MGST1: variants seen among roughly 807,000 people sequenced by gnomAD.
The protein encoded by MGST1 is glutathione S-transferase 12.
MGST1 carries 5 observed loss-of-function variants against 8.9 expected under a neutral mutation model. The observed-to-expected ratio is 0.56, with a 90% CI of 0.29 to 1.19. The LOEUF (loss-of-function observed/expected upper bound fraction) is 1.19. Ranked by LOEUF, MGST1 falls within the 50% of genes most tolerant of loss-of-function variation. The pLI is 0.08. For synonymous variants in MGST1, 54 were observed against 67.8 expected, an observed-to-expected ratio of 0.80 and a Z score of 1.00; for missense variants, 182 against 187.4, an observed-to-expected ratio of 0.97 and a Z score of 0.17.
upstream of MGST1, chr12:16,347,615 G>A (rs1939256679): frequency 6.6e-6 from 1 of 152,312 alleles, no homozygotes; most frequent in Non-Finnish European, 1.5e-5. This position sits in a 1 kb window ranked among gnomAD's most constrained non-coding sequence, Gnocchi z 4.0. Context: ...CTGGAGAGGG[G>A]CGGTGCCTGC....
chr12:16,455,056 A>G (rs1469940306), intron 4 of MGST1, among the ~76,000 whole-genome samples: 1 of 151,848 alleles, frequency 6.6e-6, no homozygotes, highest in East Asian at 1.9e-4. Context: ...TCTGCATTAA[A>G]TAATTAACAA....
At chr12:16,351,923 A>G (rs1004761161) in intron 1 of MGST1, among the ~76,000 whole-genome samples, 3 of 152,160 alleles carry the variant, frequency 2.0e-5, no homozygotes, top group African/African-American at 7.2e-5. Context: ...AAGAAAGAAG[A>G]TGACAGATAT....
intron 4 of MGST1, among the ~76,000 whole-genome samples, chr12:16,491,015 C>T (rs927175989): frequency 3.3e-5 from 5 of 152,130 alleles, no homozygotes; most frequent in African/African-American, 9.7e-5. Flanking sequence ...TTACTCTTTA[C>T]TCATTGGGCA....
At chr12:16,390,818 A>C (rs1591715247) in intron 1 of MGST1, among the ~76,000 whole-genome samples, 1 of 152,182 alleles carries the variant, frequency 6.6e-6, no homozygotes, top group African/African-American at 2.4e-5. Flanking sequence ...TTCTGGGTAT[A>C]GACCCAGTAA....
Position 16,363,473 on chromosome 12 carries a change from T to G in MGST1, c.222-322T>G, listed in dbSNP as rs1220606804. On this transcript the variant is annotated intron_variant, in intron 3 of 3. Transcript: ENST00000396210. This position sits in a 1 kb window ranked among gnomAD's most constrained non-coding sequence, Gnocchi z 4.6. The stretch of plus-strand genomic sequence containing the variant: ...CTTGAATTGCTAATTGTTATGAACC[T>G]CATAAGAAAAAAGTATTTTTATTTA... The G allele has an allele frequency of 6.3e-6, 1 of 159,392 alleles. No individual in the cohort carries two copies. The highest frequency in any genetic ancestry group is 1.4e-5 in the Non-Finnish European group (1 of 73,150). The allele number at this position is 159,392 out of a possible 1,614,324, so 9.9% of individuals were successfully genotyped here.
chr12:16,555,938 A>G lies in MGST1; in HGVS notation n.483-33590A>G, dbSNP rs1453783974. Among the ~76,000 whole-genome samples, 1 of 152,062 alleles carries G rather than the reference A, an allele frequency of 6.6e-6. No homozygotes were observed. The highest frequency in any genetic ancestry group is 2.4e-5 in the African/African-American group (1 of 41,392). On this transcript the variant is annotated intron_variant and non_coding_transcript_variant, in intron 4 of 4. Transcript: ENST00000538857. The surrounding 1 kb of genome is among the most constrained non-coding windows in gnomAD (Gnocchi z 5.5). ...CCTTTGATGCTTCCCTAACACTTCA[A>G]GAAGGATGGCTCTCTCTTCCCTCAG...
chr12:16,381,181 TATG>T (rs2137040009), downstream of MGST1, among the ~76,000 whole-genome samples: 1 of 152,338 alleles, frequency 6.6e-6, no homozygotes, highest in East Asian at 1.9e-4. Context: ...TTCCTGTCAT[TATG>T]ATGTTAGCTG....
At chr12:16,436,476 T>C (rs1285292147) in intron 1 of MGST1, among the ~76,000 whole-genome samples, 2 of 151,910 alleles carry the variant, frequency 1.3e-5, no homozygotes, top group Non-Finnish European at 2.9e-5. Flanking sequence ...GTCTTTCTCT[T>C]TCCCTGTTGC....
chr12:16,459,499 A>C (rs1941203413), intron 4 of MGST1, among the ~76,000 whole-genome samples: 1 of 152,134 alleles, frequency 6.6e-6, no homozygotes, highest in Non-Finnish European at 1.5e-5. Context: ...TAAGTGATCC[A>C]AGTCATAGGT....
chr12:16,483,674 C>T (rs1054085564), intron 4 of MGST1, among the ~76,000 whole-genome samples: 3 of 152,038 alleles, frequency 2.0e-5, no homozygotes, highest in African/African-American at 4.8e-5. Context: ...CCATTTTAAA[C>T]AAATATGCAT....
intron 1 of MGST1, among the ~76,000 whole-genome samples, chr12:16,411,225 TCCATTG>T (rs1940740567): frequency 6.6e-6 from 1 of 152,144 alleles, no homozygotes; most frequent in Non-Finnish European, 1.5e-5. Flanking sequence ...CAGAACCACA[TCCATTG>T]AGCTCACCGT....
At chr12:16,439,914 A>T (rs761705737), downstream of MGST1, among the ~76,000 whole-genome samples, 6 of 151,754 alleles carry the variant, frequency 4.0e-5, no homozygotes, top group Non-Finnish European at 5.9e-5. Flanking sequence ...CTCCTGTTTC[A>T]TTTTAACATC....
intron 4 of MGST1, among the ~76,000 whole-genome samples, chr12:16,508,207 AATGAATGAATGG>A (rs1046625503): frequency 5.5e-4 from 84 of 152,280 alleles, no homozygotes; most frequent in African/African-American, 1.9e-3. Flanking sequence ...ATTGCTGGTA[AATGAATGAATGG>A]ATGAATGAAT....
At chr12:16,395,925 A>G (rs1940601976) in intron 1 of MGST1, among the ~76,000 whole-genome samples, 1 of 151,840 alleles carries the variant, frequency 6.6e-6, no homozygotes, top group South Asian at 2.1e-4. Flanking sequence ...ACATGCAAGT[A>G]TCTTTTTTCA....
intron 1 of MGST1, among the ~76,000 whole-genome samples, chr12:16,392,556 C>G (rs922583451): frequency 6.6e-6 from 1 of 152,130 alleles, no homozygotes; most frequent in Non-Finnish European, 1.5e-5. Flanking sequence ...GTTTGAATGC[C>G]TGACACAATA....
chr12:16,537,112 G>C lies in MGST1; in HGVS notation n.483-52416G>C, dbSNP rs547237055. ...TTAGTTACTTCCTAGATACAACGGG[G>C]ATACAGGTATTGGGTAAATACAGCT... On this transcript the variant is annotated intron_variant and non_coding_transcript_variant, in intron 4 of 4. Coordinates refer to the MGST1 transcript ENST00000538857. The surrounding 1 kb of genome is among the most constrained non-coding windows in gnomAD (Gnocchi z 4.6). Among the ~76,000 whole-genome samples, 1 of 152,148 alleles carries C rather than the reference G, an allele frequency of 6.6e-6. No homozygotes were observed. Among genetic ancestry groups the C allele is most frequent in the Non-Finnish European group, 1.5e-5 (1 of 68,036 alleles).
chr12:16,464,787 A>G (rs1941242665), intron 4 of MGST1, among the ~76,000 whole-genome samples: 1 of 152,232 alleles, frequency 6.6e-6, no homozygotes, highest in African/African-American at 2.4e-5. Flanking sequence ...TGGCCCCTCC[A>G]TGCCCTAGGG....
intron 1 of MGST1, chr12:16,400,181 C>A (rs1297502594): frequency 4.5e-6 from 5 of 1,103,804 alleles, no homozygotes; most frequent in Non-Finnish European, 7.0e-6. Context: ...TTCCCTAAGT[C>A]CGTGGTTGTC....
intron 4 of MGST1, among the ~76,000 whole-genome samples, chr12:16,511,817 T>C (rs1941579035): frequency 6.6e-6 from 1 of 152,138 alleles, no homozygotes; most frequent in Non-Finnish European, 1.5e-5. Flanking sequence ...ATAGTGCAAA[T>C]AGGGTCACAT....
Sources: allele counts gnomAD v4.1 joint callset (sites outside exome capture counted in the v4.1 genomes callset), GRCh38; gene constraint gnomAD v4.1.1; non-coding constraint Gnocchi (gnomAD v3.1); transcripts MANE v1.5; gene names NCBI Gene and HGNC (gene_info 2026-07-23, HGNC 2026-07-21).